PPP2R3B: variants seen among roughly 807,000 people sequenced by gnomAD.
PPP2R3B encodes protein phosphatase 2 regulatory subunit B''beta.
PPP2R3B carries 68 observed loss-of-function variants against 72.9 expected under a neutral mutation model. The observed-to-expected ratio is 0.93, with a 90% CI of 0.77 to 1.14. The LOEUF (loss-of-function observed/expected upper bound fraction) is 1.14. Among genes scored for constraint, PPP2R3B ranks in the 50% most tolerant of loss-of-function variants. The pLI, the probability that PPP2R3B is intolerant of heterozygous loss-of-function variation, is 0.00. For missense variants in PPP2R3B, 1,018 were observed against 842.0 expected (o/e 1.21, Z -2.59); for synonymous variants, 466 against 375.8 (o/e 1.24, Z -2.78).
chrX:346,312 GC>G (rs2071211374), intron 5 of PPP2R3B, 52 bp from the exon 6 acceptor site: 1 of 1,507,294 alleles, frequency 6.6e-7, no homozygotes, highest in Non-Finnish European at 9.0e-7. Flanking sequence ...CAGGAGCCTC[GC>G]CCCGCACGGA....
intron 2 of PPP2R3B, among the ~76,000 whole-genome samples, chrX:349,030 A>C (rs1471580192): frequency 2.6e-5 from 4 of 151,558 alleles, no homozygotes; most frequent in Non-Finnish European, 5.9e-5. Flanking sequence ...CAATAATAGA[A>C]CAGGAATATC....
In PPP2R3B at chrX:346,744, AACG is replaced by A; in HGVS notation, c.746_748del (p.Ser249del). 6.2e-7 allele frequency: 1 copy of A among 1,610,758 alleles called. No homozygotes were observed. Among genetic ancestry groups the A allele is most frequent in the Non-Finnish European group, 8.5e-7 (1 of 1,178,920 alleles). On this transcript the variant is annotated inframe_deletion, in exon 5 of 13. Coordinates refer to ENST00000390665, the MANE Select transcript of PPP2R3B (RefSeq NM_013239.5). The stretch of plus-strand genomic sequence containing the variant: ...GTGGAACTCGGACGCCTCCTTCAGG[AACG>A]ACAGCCCCGGGTGCGTGTTCACCAC...
chrX:346,056 T>TGGGGGGGGGGGG, intron 6 of PPP2R3B, 118 bp downstream of exon 6: 1 of 397,728 alleles, frequency 2.5e-6, no homozygotes, highest in East Asian at 4.0e-5. Flanking sequence ...GGGGTGGGGG[T>TGGGGGGGGGGGG]GGGGGTGGGA....
At chrX:368,274 C>T (rs1002593061) in intron 1 of PPP2R3B, among the ~76,000 whole-genome samples, 10 of 141,628 alleles carry the variant, frequency 7.1e-5, no homozygotes, top group African/African-American at 1.4e-4. Flanking sequence ...CGGGGAAGGC[C>T]GGGACCACCC....
chrX:384,295 T>TAC (rs1255664811), intron 1 of PPP2R3B, among the ~76,000 whole-genome samples: 1 of 149,832 alleles, frequency 6.7e-6, no homozygotes, highest in African/African-American at 2.5e-5. Context: ...TATATATATA[T>TAC]ATACTTTTTT....
At chrX:351,090 C>A (rs1056472051) in intron 2 of PPP2R3B, among the ~76,000 whole-genome samples, 2 of 152,116 alleles carry the variant, frequency 1.3e-5, no homozygotes, top group African/African-American at 4.8e-5. Flanking sequence ...GGACGCGCTC[C>A]GGCTGGCGCA....
rs960398247 is a variant in PPP2R3B at position 338,153 on chromosome X, C to T, written c.1577+451G>A. The T allele has an allele frequency of 1.6e-5, 4 of 248,060 alleles. No individual in the cohort carries two copies. The East Asian group carries it at 2.6e-4, about 16-fold the overall frequency. 15.4% of individuals were successfully genotyped at this position (248,060 alleles called of 1,614,324 possible). ...ATAAAGGGTTTGTATGCTGAAGACA[C>T]GAAGAACCCTCACGCTCCGTGAGAA... On this transcript the variant is annotated intron_variant, in intron 12 of 12. Transcript: ENST00000390665.
At position 374,905 on chromosome X, in the gene PPP2R3B, C is replaced by T. The variant is rs990531766; in HGVS notation, c.324+11463G>A. On this transcript the variant is annotated intron_variant, in intron 1 of 12. Transcript: ENST00000390665. ...GAAAAACGTCTGTGTGGCACTGACG[C>T]ACCCAACCCCCGCAAGCCCCGATCT... Among the ~76,000 whole-genome samples, 102 of 152,254 alleles carry T rather than the reference C, an allele frequency of 6.7e-4. 1 individual carries two copies. Among genetic ancestry groups the T allele is most frequent in the South Asian group, 2.5e-3 (12 of 4,826 alleles).
chrX:347,864 A>G (rs2071256516), intron 2 of PPP2R3B, 171 bp from the exon 3 acceptor site: 3 of 580,602 alleles, frequency 5.2e-6, no homozygotes, highest in Middle Eastern at 4.5e-4. Context: ...CTTTCGCTCC[A>G]GCCTTCAATC....
chrX:346,636 G>T (rs2071221156), intron 5 of PPP2R3B, 65 bp downstream of exon 5: 1 of 1,465,792 alleles, frequency 6.8e-7, no homozygotes. Context: ...GAAGCCCCGC[G>T]GCGGCCGCTG....
chrX:361,305 TCA>T, intron 2 of PPP2R3B, 98 bp downstream of exon 2: 2 of 1,363,390 alleles, frequency 1.5e-6, no homozygotes, highest in Non-Finnish European at 2.0e-6. Flanking sequence ...GCCGCCTCAC[TCA>T]CGCTCGTGTG....
At chrX:384,888 G>A (rs1476206239) in intron 1 of PPP2R3B, among the ~76,000 whole-genome samples, 1 of 151,530 alleles carries the variant, frequency 6.6e-6, no homozygotes, top group Non-Finnish European at 1.5e-5. Flanking sequence ...GGGAGGCTGA[G>A]GGAGGAGAAT....
intron 6 of PPP2R3B, 72 bp downstream of exon 6, chrX:346,102 G>GGAGGAGAGAGGGA: frequency 1.2e-6 from 1 of 855,104 alleles, no homozygotes; most frequent in Non-Finnish European, 1.7e-6. Context: ...GGGGGAGGAG[G>GGAGGAGAGAGGGA]GAAGGGAAGG....
At chrX:344,541 A>T (rs977564678) in intron 7 of PPP2R3B, among the ~76,000 whole-genome samples, 2 of 152,228 alleles carry the variant, frequency 1.3e-5, no homozygotes, top group Non-Finnish European at 2.9e-5. Flanking sequence ...AGTGGGCTCC[A>T]GAGGAACGCG....
At chrX:347,766 C>G in intron 2 of PPP2R3B, 73 bp from the exon 3 acceptor site, 2 of 1,136,750 alleles carry the variant, frequency 1.8e-6, no homozygotes, top group Non-Finnish European at 2.4e-6. Flanking sequence ...TACCTCGCGC[C>G]TGACCGACGC....
At chrX:345,089 G>A (rs1463487142) in intron 7 of PPP2R3B, 2 of 455,252 alleles carry the variant, frequency 4.4e-6, no homozygotes, top group South Asian at 1.6e-5. Context: ...GTATATGAAC[G>A]ACCGCTAAGC....
At chrX:359,418 C>G (rs1383977513) in intron 2 of PPP2R3B, among the ~76,000 whole-genome samples, 2 of 152,210 alleles carry the variant, frequency 1.3e-5, no homozygotes, top group African/African-American at 2.4e-5. Context: ...CTACTTTTGG[C>G]AAGTTTTTAC....
At chrX:367,222 G>A (rs193125549) in intron 1 of PPP2R3B, among the ~76,000 whole-genome samples, 40 of 152,016 alleles carry the variant, frequency 2.6e-4, no homozygotes, top group Admixed American at 1.4e-3. Flanking sequence ...GGAAAACCTC[G>A]GCAGCTGACC....
chrX:340,686 C>T, intron 10 of PPP2R3B, 79 bp downstream of exon 10: 1 of 1,556,460 alleles, frequency 6.4e-7, no homozygotes, highest in South Asian at 1.2e-5. Flanking sequence ...CGTCCTCTCG[C>T]CCGTCCGTCC....
Sources: allele counts gnomAD v4.1 joint callset (sites outside exome capture counted in the v4.1 genomes callset), GRCh38; gene constraint gnomAD v4.1.1; transcripts MANE v1.5; gene names NCBI Gene and HGNC (gene_info 2026-07-23, HGNC 2026-07-21).